The following TTC8 variants were observed in gnomAD, a reference collection of about 807,000 sequenced individuals.
The protein encoded by TTC8 is tetratricopeptide repeat protein 8.
A neutral mutation model predicts 72.5 loss-of-function variants in TTC8; 47 were observed. The ratio of observed to expected loss-of-function variants is 0.65; its 90% CI spans 0.51 to 0.83. The LOEUF (loss-of-function observed/expected upper bound fraction) is 0.83. Among genes scored for constraint, TTC8 ranks in the 40% least tolerant of loss-of-function variants. The pLI is 0.00. For missense variants in TTC8, 611 were observed against 623.2 expected, an observed-to-expected ratio of 0.98 and a Z score of 0.21; for synonymous variants, 199 against 221.4, an observed-to-expected ratio of 0.90 and a Z score of 0.90.
intron 10 of TTC8, among the ~76,000 whole-genome samples, chr14:88,868,715 C>G (rs1380861181): frequency 6.6e-6 from 1 of 152,058 alleles, no homozygotes; most frequent in Non-Finnish European, 1.5e-5. Context: ...GGTAATTACT[C>G]TTGGGAGCAT....
At chr14:88,828,625 G>A (rs1003538838) in intron 1 of TTC8, among the ~76,000 whole-genome samples, 3 of 152,014 alleles carry the variant, frequency 2.0e-5, no homozygotes, top group African/African-American at 7.3e-5. Context: ...ACAAAAGATA[G>A]TTTTTGTTTT....
At chr14:88,874,689 G>A (rs1487887883) in intron 13 of TTC8, among the ~76,000 whole-genome samples, 1 of 152,138 alleles carries the variant, frequency 6.6e-6, no homozygotes, top group Non-Finnish European at 1.5e-5. Flanking sequence ...GTATTGAGAA[G>A]ATTGTATTTC....
At chr14:88,824,362 A>T (rs139351723), upstream of TTC8, 24 of 299,512 alleles carry the variant, frequency 8.0e-5, no homozygotes, top group African/African-American at 5.3e-4. Context: ...CAGGCAGAGC[A>T]TTCGGTTGCT....
chr14:88,842,950 TG>T (rs1232505171), intron 6 of TTC8, among the ~76,000 whole-genome samples: 4 of 132,016 alleles, frequency 3.0e-5, no homozygotes, highest in African/African-American at 1.1e-4. Context: ...GTTATAGGTT[TG>T]TTTTTTTTTT....
In TTC8 at chr14:88,871,737, C is replaced by A; in HGVS notation, c.1224+14C>A. The A allele has an allele frequency of 6.2e-7, 1 of 1,613,900 alleles. No individual in the cohort carries two copies. Among genetic ancestry groups the A allele is most frequent in the East Asian group, 2.2e-5 (1 of 44,860 alleles). ...CATGTAGCTGTGGTATGTTGTCTTA[C>A]TGATATAATTTCTGTTATAGAAAGT... On this transcript the variant is annotated intron_variant, in intron 12 of 14. Coordinates refer to ENST00000380656, the MANE Select transcript of TTC8 (RefSeq NM_144596.4). This position sits in a 1 kb window ranked among gnomAD's most constrained non-coding sequence, Gnocchi z 4.1.
At chr14:88,859,949 A>G (rs1324002168) in intron 9 of TTC8, among the ~76,000 whole-genome samples, 4 of 127,036 alleles carry the variant, frequency 3.1e-5, no homozygotes, top group Non-Finnish European at 3.4e-5. Flanking sequence ...TGTATACTAT[A>G]TATAGTAATA....
intron 6 of TTC8, among the ~76,000 whole-genome samples, chr14:88,843,582 C>A (rs2094792196): frequency 6.6e-6 from 1 of 151,950 alleles, no homozygotes; most frequent in Non-Finnish European, 1.5e-5. Context: ...AATTGTCTTT[C>A]TAATAAAATA....
Position 88,860,697 on chromosome 14 carries a change from A to G in TTC8, c.799-525A>G, listed in dbSNP as rs150806161. Among the ~76,000 whole-genome samples, 735 of 152,286 alleles carry G rather than the reference A, an allele frequency of 4.8e-3. 9 individuals are homozygous for G. The highest frequency in any genetic ancestry group is 0.017 in the African/African-American group (701 of 41,566). ...TGGCAATAGTAAACTCACAGTAAGC[A>G]TTTGTTAGAGAATAAATGAATGAAT... On this transcript the variant is annotated intron_variant, in intron 9 of 14. Coordinates refer to ENST00000380656, the MANE Select transcript of TTC8 (RefSeq NM_144596.4).
chr14:88,829,998 A>G lies in TTC8; in HGVS notation c.115-3695A>G, dbSNP rs188425795. 7.2e-4 allele frequency among the ~76,000 whole-genome samples: 110 copies of G among 152,296 alleles called. 1 individual carries two copies. In the East Asian group the frequency reaches 0.018, roughly 24 times the overall value. On this transcript the variant is annotated intron_variant, in intron 1 of 14. Transcript: ENST00000380656. ...TTTGTATTCCTGCTGAATTACACAG[A>G]TTACACTCCCACTTGGCTGCGTGGT...
Position 88,861,342 on chromosome 14 carries a change from GTTATTA to G in TTC8, c.909+22_909+27del, listed in dbSNP as rs759708865. 1.9e-6 allele frequency: 3 copies of G among 1,539,022 alleles called. No homozygotes were observed. Among genetic ancestry groups the G allele is most frequent in the Admixed American group, 1.7e-5 (1 of 59,638 alleles). On this transcript the variant is annotated intron_variant, in intron 10 of 14. Coordinates refer to ENST00000380656, the MANE Select transcript of TTC8 (RefSeq NM_144596.4). ...TGCAAGAATCTATGAGGTAATTCAT[GTTATTA>G]TTATTATTATTTATTGATACACAAT...
chr14:88,849,436 G>T (rs1418573328), intron 7 of TTC8, among the ~76,000 whole-genome samples: 4 of 152,246 alleles, frequency 2.6e-5, no homozygotes, highest in Non-Finnish European at 5.9e-5. Context: ...AACATGTTAA[G>T]AAATCAGAGG....
downstream of TTC8, chr14:88,878,204 C>A (rs895162457): frequency 2.0e-5 from 3 of 152,122 alleles, no homozygotes; most frequent in East Asian, 3.8e-4. Context: ...CCAGGAGTCC[C>A]ACTTCTGGTC....
chr14:88,863,937 C>A (rs1396564956), intron 10 of TTC8, among the ~76,000 whole-genome samples: 2 of 152,174 alleles, frequency 1.3e-5, no homozygotes, highest in African/African-American at 4.8e-5. Flanking sequence ...GGTTTCATCT[C>A]TTCCTTTCAA....
intron 1 of TTC8, chr14:88,830,815 A>G: frequency 2.2e-6 from 1 of 455,742 alleles, no homozygotes; most frequent in South Asian, 1.6e-5. Context: ...AGGCTCAGTG[A>G]TTTTTAAAAA....
chr14:88,861,418 A>T (rs1027219747), intron 10 of TTC8, 86 bp downstream of exon 10: 1 of 951,184 alleles, frequency 1.1e-6, no homozygotes, highest in East Asian at 2.7e-5. Flanking sequence ...TAATTCCTGT[A>T]TACAATGTGT....
At chr14:88,857,709 G>A (rs2094863389) in intron 9 of TTC8, among the ~76,000 whole-genome samples, 1 of 152,130 alleles carries the variant, frequency 6.6e-6, no homozygotes, top group African/African-American at 2.4e-5. Context: ...CACCTACTCA[G>A]TGTAAAACAT....
In TTC8 at chr14:88,877,302, T is replaced by C; in HGVS notation, c.1440T>C (p.Asp480=). The C allele has an allele frequency of 6.2e-7, 1 of 1,613,482 alleles. No individual in the cohort carries two copies. The change falls in exon 15 of 15, where the codon GAT becomes GAC. Residue 480 remains aspartate (D), a synonymous_variant. Transcript: ENST00000380656. ...TCTTGTATTTTTTGCAGATTGGAGA[T>C]CTGCAGAGAAGCTATGTTGCTGCGC... is the stretch of plus-strand genomic sequence containing the variant. ...NFATISDKIG[D]LQRSYVAAQK...
chr14:88,861,736 A>T (rs899778333), intron 10 of TTC8, among the ~76,000 whole-genome samples: 1 of 152,166 alleles, frequency 6.6e-6, no homozygotes, highest in Non-Finnish European at 1.5e-5. Context: ...AACATGCGGC[A>T]CTTTTCTTTC....
At chr14:88,873,549 C>T (rs920736945) in intron 13 of TTC8, among the ~76,000 whole-genome samples, 3 of 152,062 alleles carry the variant, frequency 2.0e-5, no homozygotes, top group Admixed American at 6.5e-5. Context: ...AGAAACAGTA[C>T]CTGCCGTATG....
Sources: allele counts gnomAD v4.1 joint callset (sites outside exome capture counted in the v4.1 genomes callset), GRCh38; gene constraint gnomAD v4.1.1; non-coding constraint Gnocchi (gnomAD v3.1); transcripts MANE v1.5; gene names NCBI Gene and HGNC (gene_info 2026-07-23, HGNC 2026-07-21).